CLASP1: variants seen among roughly 807,000 people sequenced by gnomAD.
CLASP1 encodes the protein cytoplasmic linker associated protein 1, also known as CLIP-associating protein 1.
CLASP1 carries 38 observed loss-of-function variants against 192.3 expected under a neutral mutation model. The ratio of observed to expected loss-of-function variants is 0.20; its 90% confidence interval spans 0.15 to 0.26. The LOEUF (loss-of-function observed/expected upper bound fraction) is 0.26, where lower values mean the gene tolerates loss of function less well. Ranked by LOEUF, CLASP1 falls within the 10% of genes least tolerant of loss-of-function variation. CLASP1 has a pLI of 1.00. For synonymous variants in CLASP1, 691 were observed against 712.8 expected (o/e 0.97, Z 0.49); for missense variants, 1,433 against 1,932.5 (o/e 0.74, Z 4.85).
rs1169447463 is a variant in CLASP1 at position 121,527,692 on chromosome 2, C to A, written c.470+107G>T. ...AGGGTGGGTAAAGGGGGCATGAGATCTCACACTACACTTCTTTGCAACTTC... is the reference window on the plus strand; with the variant it reads ...AGGGTGGGTAAAGGGGGCATGAGATATCACACTACACTTCTTTGCAACTTC... On this transcript the variant is annotated intron_variant, in intron 5 of 39. Transcript: ENST00000263710. 5 of 826,910 alleles carry A rather than the reference C, an allele frequency of 6.0e-6. No individual in the cohort carries two copies. The Admixed American group carries it at 1.1e-4, about 19-fold the overall frequency. The allele number at this position is 826,910 out of a possible 1,614,324, so 51.2% of individuals were successfully genotyped here. A position where few individuals can be genotyped will look rare whatever the true frequency, so the allele number is the denominator to read the frequency against.
chr2:121,361,997 C>T (rs943042095), intron 37 of CLASP1, among the ~76,000 whole-genome samples: 1 of 152,204 alleles, frequency 6.6e-6, no homozygotes, highest in Admixed American at 6.5e-5. Flanking sequence ...TTGAAGAGGT[C>T]ACATCAGTCA....
exon 17 of CLASP1, chr2:121,449,049 T>C: frequency 6.2e-7 from 1 of 1,613,962 alleles, no homozygotes; most frequent in Non-Finnish European, 8.5e-7. Flanking sequence ...GGCTTTCTGG[T>C]AGGAGGACTC....
intron 7 of CLASP1, among the ~76,000 whole-genome samples, chr2:121,512,587 T>A (rs2150328088): frequency 6.6e-6 from 1 of 152,316 alleles, no homozygotes; most frequent in East Asian, 1.9e-4. Context: ...TACCTCCACT[T>A]TATTATCTGG....
At chr2:121,612,742 T>C (rs1322887296) in intron 1 of CLASP1, among the ~76,000 whole-genome samples, 1 of 152,210 alleles carries the variant, frequency 6.6e-6, no homozygotes, top group Admixed American at 6.5e-5. Context: ...CCAGGTCTAT[T>C]AGTCTATTAT....
intron 19 of CLASP1, among the ~76,000 whole-genome samples, chr2:121,431,522 T>C (rs969281367): frequency 7.7e-6 from 1 of 130,542 alleles, no homozygotes; most frequent in African/African-American, 4.3e-5. Context: ...GTCACTGAGC[T>C]AAATCAAGGC....
At chr2:121,470,590 T>C (rs1341494311) in intron 8 of CLASP1, 4 of 436,726 alleles carry the variant, frequency 9.2e-6, no homozygotes, top group Non-Finnish European at 1.8e-5. Flanking sequence ...TTGTTAGATA[T>C]TTAGGGTGTT....
At chr2:121,470,550 G>T (rs2149976350) in intron 8 of CLASP1, 1 of 384,572 alleles carries the variant, frequency 2.6e-6, no homozygotes, top group South Asian at 2.0e-5. Flanking sequence ...TACTTTGTAA[G>T]TGGAAAATGG....
intron 36 of CLASP1, chr2:121,364,640 G>A (rs1370403089): frequency 1.8e-5 from 3 of 164,460 alleles, no homozygotes; most frequent in Admixed American, 5.6e-5. Flanking sequence ...TAAAATTATT[G>A]GAACTCTTAA....
chr2:121,344,987 G>A (rs758623813), intron 39 of CLASP1, among the ~76,000 whole-genome samples: 1 of 152,124 alleles, frequency 6.6e-6, no homozygotes, highest in Non-Finnish European at 1.5e-5. Flanking sequence ...GCAAAACCCC[G>A]TGTTGACTAA....
At chr2:121,444,921 C>T (rs1441633124) in intron 19 of CLASP1, 2 of 1,353,112 alleles carry the variant, frequency 1.5e-6, no homozygotes, top group Non-Finnish European at 2.0e-6. Context: ...ACCTCAATCA[C>T]AGAAACAAAC....
At chr2:121,620,708 C>G (rs1366779183) in intron 1 of CLASP1, among the ~76,000 whole-genome samples, 2 of 152,122 alleles carry the variant, frequency 1.3e-5, no homozygotes, top group Non-Finnish European at 2.9e-5. Context: ...AGTATCTGAT[C>G]AAATCCTTTG....
chr2:121,620,039 T>C (rs774058311), intron 1 of CLASP1, among the ~76,000 whole-genome samples: 2 of 151,900 alleles, frequency 1.3e-5, no homozygotes, highest in Non-Finnish European at 2.9e-5. Flanking sequence ...CTGGCCAACA[T>C]AGCGAAACCC....
Position 121,545,143 on chromosome 2 carries a change from A to T in CLASP1, c.196-14818T>A, listed in dbSNP as rs188502512. On this transcript the variant is annotated intron_variant, in intron 2 of 39. Coordinates refer to ENST00000263710, the Ensembl canonical transcript of CLASP1. ...GCCAGGTTGGTCTTGAACTCCTGACAGTTCAAGTGATCCACCTGCCTCGGC... is the reference window on the plus strand; with the variant it reads ...GCCAGGTTGGTCTTGAACTCCTGACTGTTCAAGTGATCCACCTGCCTCGGC... Among the ~76,000 whole-genome samples, 10 of 152,134 alleles carry T rather than the reference A, an allele frequency of 6.6e-5. No homozygotes were observed. The East Asian group carries it at 1.9e-3, about 29-fold the overall frequency.
chr2:121,588,877 G>A (rs898326354), intron 2 of CLASP1, among the ~76,000 whole-genome samples: 5 of 152,204 alleles, frequency 3.3e-5, no homozygotes, highest in South Asian at 4.1e-4. Flanking sequence ...CCCTTTACAT[G>A]AGTGGGAGCG....
chr2:121,384,195 TTTTTTG>T (rs1291897905), intron 32 of CLASP1, among the ~76,000 whole-genome samples: 1 of 149,012 alleles, frequency 6.7e-6, no homozygotes, highest in Non-Finnish European at 1.5e-5. Context: ...CACACACACA[TTTTTTG>T]TTTTTAAGAC....
intron 39 of CLASP1, among the ~76,000 whole-genome samples, chr2:121,343,799 G>A (rs368023324): frequency 7.2e-5 from 11 of 152,284 alleles, no homozygotes; most frequent in Admixed American, 5.2e-4. Flanking sequence ...ACAATGGGTC[G>A]GATGAGGTGG....
At chr2:121,517,874 T>C (rs1405797476) in intron 6 of CLASP1, among the ~76,000 whole-genome samples, 5 of 133,952 alleles carry the variant, frequency 3.7e-5, no homozygotes, top group African/African-American at 1.4e-4. Flanking sequence ...TTTTTTTTTT[T>C]TTTTTTTTTT....
Position 121,462,515 on chromosome 2 carries a change from C to G in CLASP1, c.939+17G>C. On this transcript the variant is annotated intron_variant, in intron 10 of 39. Coordinates refer to ENST00000263710, the Ensembl canonical transcript of CLASP1. The stretch of plus-strand genomic sequence containing the variant: ...GTTGACCCTTGTTTGTAATCATACT[C>G]AAATATCCTCACTGACCTGTACTAC... The G allele has an allele frequency of 2.1e-6, 3 of 1,431,756 alleles. No homozygotes were observed. The highest frequency in any genetic ancestry group is 2.9e-6 in the Non-Finnish European group (3 of 1,024,304). 88.7% of individuals were successfully genotyped at this position (1,431,756 alleles called of 1,614,324 possible).
intron 8 of CLASP1, among the ~76,000 whole-genome samples, chr2:121,493,827 A>C (rs2093421414): frequency 6.6e-6 from 1 of 152,218 alleles, no homozygotes; most frequent in South Asian, 2.1e-4. Flanking sequence ...CACAAATGGC[A>C]AACAGGCATA....
Sources: gnomAD v4.1 joint callset for allele counts (sites outside exome capture counted in the v4.1 genomes callset) on GRCh38, gnomAD v4.1.1 for gene constraint, MANE v1.5 for transcripts, NCBI Gene and HGNC (gene_info 2026-07-23, HGNC 2026-07-21) for gene names.